PRKN: variants seen among roughly 807,000 people sequenced by gnomAD.
PRKN encodes the protein E3 ubiquitin-protein ligase parkin.
A neutral mutation model predicts 59.5 loss-of-function variants in PRKN; 56 were observed. The observed-to-expected ratio is 0.94, with a 90% CI of 0.76 to 1.18. The LOEUF is 1.18. Ranked by LOEUF, PRKN falls within the 50% of genes most tolerant of loss-of-function variation. PRKN has a pLI of 0.00. For missense variants in PRKN, 657 were observed against 596.4 expected, an observed-to-expected ratio of 1.10 and a Z score of -1.06; for synonymous variants, 250 against 222.1, an observed-to-expected ratio of 1.13 and a Z score of -1.12.
At chr6:162,562,451 C>G (rs1390053300) in intron 1 of PRKN, among the ~76,000 whole-genome samples, 2 of 152,076 alleles carry the variant, frequency 1.3e-5, no homozygotes, top group South Asian at 2.1e-4. Context: ...CTGCCCTGGG[C>G]CAGTGGGAAG....
At chr6:161,482,692 G>A (rs942137676) in intron 9 of PRKN, among the ~76,000 whole-genome samples, 1 of 152,188 alleles carries the variant, frequency 6.6e-6, no homozygotes, top group East Asian at 1.9e-4. Flanking sequence ...GCATTCAACT[G>A]AGTACGTGGC....
At chr6:161,436,275 T>G (rs79968124) in intron 9 of PRKN, among the ~76,000 whole-genome samples, 554 of 14,626 alleles carry the variant, frequency 0.038, no homozygotes, top group Middle Eastern at 0.059. Flanking sequence ...AGCAGGGGAG[T>G]GGAATGGGAG....
At chr6:161,585,676 G>A (rs1358018998) in intron 7 of PRKN, among the ~76,000 whole-genome samples, 1 of 152,190 alleles carries the variant, frequency 6.6e-6, no homozygotes, top group Non-Finnish European at 1.5e-5. Context: ...AAGGGATGAT[G>A]AGTTTCAGGC....
chr6:161,724,435 TTC>T (rs1787356183), intron 7 of PRKN, among the ~76,000 whole-genome samples: 1 of 152,238 alleles, frequency 6.6e-6, no homozygotes, highest in Non-Finnish European at 1.5e-5. Flanking sequence ...CAGGAATTGC[TTC>T]TCTCTCAGGG....
chr6:161,573,761 T>A (rs1353264537), intron 7 of PRKN, among the ~76,000 whole-genome samples: 11 of 46,044 alleles, frequency 2.4e-4, no homozygotes, highest in African/African-American at 1.0e-3. Context: ...AAAAAATATA[T>A]ATATATATAT....
At chr6:161,858,474 T>G (rs1174109052) in intron 6 of PRKN, among the ~76,000 whole-genome samples, 10 of 152,198 alleles carry the variant, frequency 6.6e-5, no homozygotes, top group African/African-American at 1.7e-4. Flanking sequence ...AAACTGGACC[T>G]GCCACTAGGC....
chr6:162,459,650 T>C (rs771956511), intron 1 of PRKN, among the ~76,000 whole-genome samples: 1 of 152,234 alleles, frequency 6.6e-6, no homozygotes, highest in African/African-American at 2.4e-5. Context: ...AGTAAAATAC[T>C]GTTCACATGT....
chr6:161,432,892 G>A (rs1309361657), intron 9 of PRKN, among the ~76,000 whole-genome samples: 1 of 151,862 alleles, frequency 6.6e-6, no homozygotes, highest in Non-Finnish European at 1.5e-5. Flanking sequence ...TTAAATGAAG[G>A]GTTTCTAAAT....
intron 2 of PRKN, among the ~76,000 whole-genome samples, chr6:162,390,614 T>C (rs1233674107): frequency 6.6e-6 from 1 of 151,886 alleles, no homozygotes; most frequent in Non-Finnish European, 1.5e-5. Flanking sequence ...CTAATATTTG[T>C]ATTTTTTTAG....
At chr6:162,257,585 G>T (rs1027217481) in intron 3 of PRKN, among the ~76,000 whole-genome samples, 2 of 151,992 alleles carry the variant, frequency 1.3e-5, no homozygotes, top group African/African-American at 4.8e-5. Flanking sequence ...TTCCTCAAGT[G>T]GTCTCTGCAG....
chr6:161,616,079 T>G (rs1782681810), intron 7 of PRKN, among the ~76,000 whole-genome samples: 1 of 152,164 alleles, frequency 6.6e-6, no homozygotes. Flanking sequence ...TTGCTGCTGA[T>G]GCACTGACTT....
At chr6:161,524,924 C>T (rs1459356082) in intron 9 of PRKN, among the ~76,000 whole-genome samples, 2 of 152,134 alleles carry the variant, frequency 1.3e-5, no homozygotes, top group East Asian at 3.9e-4. Flanking sequence ...GCTGTCCTTG[C>T]ATCCGTTTGA....
intron 2 of PRKN, among the ~76,000 whole-genome samples, chr6:162,367,195 C>G (rs963686148): frequency 1.3e-5 from 2 of 152,088 alleles, no homozygotes; most frequent in Non-Finnish European, 2.9e-5. Context: ...TTGCTGCCAT[C>G]ATGTGATGAA....
At chr6:161,713,656 G>A (rs372949823) in intron 7 of PRKN, among the ~76,000 whole-genome samples, 3 of 152,016 alleles carry the variant, frequency 2.0e-5, no homozygotes, top group African/African-American at 7.3e-5. Flanking sequence ...TTCCTTGTAC[G>A]ACCTCACTGT....
At chr6:161,914,041 C>T (rs186654714) in intron 6 of PRKN, among the ~76,000 whole-genome samples, 12 of 152,154 alleles carry the variant, frequency 7.9e-5, no homozygotes, top group East Asian at 7.7e-4. Context: ...TCAAGCCACT[C>T]GGTCTATGGT....
At chr6:162,531,954 A>AC (rs1042684980) in intron 1 of PRKN, among the ~76,000 whole-genome samples, 21 of 151,770 alleles carry the variant, frequency 1.4e-4, no homozygotes, top group African/African-American at 3.4e-4. Flanking sequence ...AAAAAAAAAA[A>AC]AAAATGTAAC....
chr6:161,904,534 C>A (rs1778068490), intron 6 of PRKN, among the ~76,000 whole-genome samples: 1 of 152,060 alleles, frequency 6.6e-6, no homozygotes, highest in African/African-American at 2.4e-5. Context: ...CCAGGACGGT[C>A]TCGATCTCCT....
chr6:162,314,279 A>C (rs912476439), intron 2 of PRKN, among the ~76,000 whole-genome samples: 3 of 152,200 alleles, frequency 2.0e-5, no homozygotes, highest in Non-Finnish European at 4.4e-5. Flanking sequence ...TCTAAACATC[A>C]GCCTTTTTCA....
rs118073045 is a variant in PRKN at position 162,289,811 on chromosome 6, G to A, written c.172-27046C>T. Among the ~76,000 whole-genome samples, 91 of 152,194 alleles carry A rather than the reference G, an allele frequency of 6.0e-4. No homozygotes were observed. The East Asian group carries it at 0.011, about 19-fold the overall frequency. On this transcript the variant is annotated intron_variant, in intron 2 of 11. Transcript: ENST00000366898. The stretch of plus-strand genomic sequence containing the variant: ...GCAGATAGCCAGCTGCCTCTGCTGT[G>A]GCAGCAAGACACCAAGGTGACCCTC...
Sources: gnomAD v4.1 joint callset for allele counts (sites outside exome capture counted in the v4.1 genomes callset) on GRCh38, gnomAD v4.1.1 for gene constraint, MANE v1.5 for transcripts, NCBI Gene and HGNC (gene_info 2026-07-23, HGNC 2026-07-21) for gene names.